Variants in ADAMTS6 observed in about 807,000 individuals in gnomAD.
The protein encoded by ADAMTS6 is A disintegrin and metalloproteinase with thrombospondin motifs 6.
Under a neutral mutation model 144.3 loss-of-function variants are expected in ADAMTS6, and 23 were observed. That is an observed-to-expected ratio of 0.16 (90% CI 0.11 to 0.23). ADAMTS6 has a LOEUF of 0.23. Ranked by LOEUF, ADAMTS6 falls within the 10% of genes least tolerant of loss-of-function variation. ADAMTS6 has a pLI of 1.00. For synonymous variants in ADAMTS6, 444 were observed against 457.5 expected (o/e 0.97, Z 0.38); for missense variants, 999 against 1,379.6 (o/e 0.72, Z 4.37).
chr5:65,469,024 A>G (rs117222375), intron 3 of ADAMTS6, among the ~76,000 whole-genome samples: 2 of 152,318 alleles, frequency 1.3e-5, no homozygotes, highest in East Asian at 3.9e-4. Context: ...ATTCATATAT[A>G]CTTTCATCCA....
chr5:65,481,806 G>C lies in ADAMTS6; in HGVS notation c.-743C>G, dbSNP rs1761224049. The C allele has an allele frequency of 1.3e-5, 2 of 152,354 alleles. No individual in the cohort carries two copies. Among genetic ancestry groups the C allele is most frequent in the African/African-American group, 4.8e-5 (2 of 41,450 alleles). 9.4% of individuals were successfully genotyped at this position (152,354 alleles called of 1,614,324 possible). A position where few individuals can be genotyped will look rare whatever the true frequency, so the allele number is the denominator to read the frequency against. On this transcript the variant is annotated 5_prime_UTR_variant, in exon 1 of 25. Transcript: ENST00000381055. The stretch of plus-strand genomic sequence containing the variant: ...AGGAGAAAAGAAGACAAGAGGAGCA[G>C]GAAGGGCAGCAAAGTTTTGTTGAAG...
At chr5:65,414,430 G>C (rs1755324075) in intron 7 of ADAMTS6, among the ~76,000 whole-genome samples, 1 of 151,836 alleles carries the variant, frequency 6.6e-6, no homozygotes, top group Non-Finnish European at 1.5e-5. Context: ...GGAACTCTAA[G>C]AAGGTCAAGG....
chr5:65,267,918 G>T (rs1488666761), intron 12 of ADAMTS6, among the ~76,000 whole-genome samples: 1 of 152,184 alleles, frequency 6.6e-6, no homozygotes, highest in African/African-American at 2.4e-5. Context: ...CACTGTGCAG[G>T]TGCAGGAATG....
At chr5:65,210,395 G>A (rs1392170643) in intron 20 of ADAMTS6, 1 of 168,166 alleles carries the variant, frequency 5.9e-6, no homozygotes, top group Non-Finnish European at 1.2e-5. Context: ...AGCTTGCAGT[G>A]AGTCGAGATC....
intron 9 of ADAMTS6, among the ~76,000 whole-genome samples, chr5:65,311,321 A>G (rs1310378198): frequency 6.6e-6 from 1 of 152,154 alleles, no homozygotes; most frequent in Non-Finnish European, 1.5e-5. Flanking sequence ...AAGTGGCATC[A>G]TCAGTCAGAG....
chr5:65,328,953 T>C (rs1185259702), intron 9 of ADAMTS6, among the ~76,000 whole-genome samples: 1 of 152,040 alleles, frequency 6.6e-6, no homozygotes, highest in Admixed American at 6.6e-5. Context: ...TACATAGCAA[T>C]GTCTGCACAA....
intron 3 of ADAMTS6, among the ~76,000 whole-genome samples, chr5:65,466,905 A>G (rs369464975): frequency 6.6e-4 from 100 of 152,004 alleles, no homozygotes; most frequent in Non-Finnish European, 1.1e-3. Flanking sequence ...AGCCGGGCGT[A>G]GTGGCGGGAG....
At chr5:65,219,778 T>C (rs1322292000) in intron 18 of ADAMTS6, among the ~76,000 whole-genome samples, 2 of 152,192 alleles carry the variant, frequency 1.3e-5, no homozygotes, top group African/African-American at 4.8e-5. Flanking sequence ...ATCAAGAAGA[T>C]GTAACAATCA....
intron 22 of ADAMTS6, among the ~76,000 whole-genome samples, chr5:65,180,573 C>T (rs1407030530): frequency 6.6e-6 from 1 of 152,112 alleles, no homozygotes; most frequent in Non-Finnish European, 1.5e-5. Flanking sequence ...CATCATTTCC[C>T]ATATGAAATT....
chr5:65,469,654 T>G (rs1760283081), intron 3 of ADAMTS6, among the ~76,000 whole-genome samples: 2 of 152,234 alleles, frequency 1.3e-5, no homozygotes, highest in South Asian at 4.1e-4. Flanking sequence ...TGGTTCATTT[T>G]ACTTAACAGT....
intron 7 of ADAMTS6, among the ~76,000 whole-genome samples, chr5:65,428,873 A>G (rs949645630): frequency 6.6e-6 from 1 of 152,212 alleles, no homozygotes; most frequent in Non-Finnish European, 1.5e-5. Context: ...GAAATGAGGA[A>G]ATGCCATTAG....
intron 16 of ADAMTS6, 147 bp downstream of exon 16, chr5:65,225,939 A>G: frequency 1.2e-6 from 1 of 836,140 alleles, no homozygotes; most frequent in Non-Finnish European, 1.7e-6. Context: ...TTACCTTTAC[A>G]TATTTTATTA....
intron 3 of ADAMTS6, among the ~76,000 whole-genome samples, chr5:65,466,694 C>T (rs1760032523): frequency 6.6e-6 from 1 of 152,136 alleles, no homozygotes; most frequent in Admixed American, 6.5e-5. Context: ...TTCTAACTAG[C>T]TATATGGTCT....
chr5:65,179,795 A>G lies in ADAMTS6; in HGVS notation c.2911-6787T>C, dbSNP rs192595394. Among the ~76,000 whole-genome samples the G allele has an allele frequency of 4.8e-3, 728 of 152,348 alleles. 1 individual carries two copies. Among genetic ancestry groups the G allele is most frequent in the Non-Finnish European group, 7.9e-3 (540 of 68,028 alleles). On this transcript the variant is annotated intron_variant, in intron 22 of 24. Coordinates refer to ENST00000381055, the MANE Select transcript of ADAMTS6 (RefSeq NM_197941.4). ...TTAAAAGTACCATATAAGTGGATGT[A>G]GAACACATAAATTATCGTGTCCCTA...
intron 18 of ADAMTS6, among the ~76,000 whole-genome samples, chr5:65,223,202 G>A (rs922806058): frequency 1.3e-5 from 2 of 151,738 alleles, no homozygotes; most frequent in African/African-American, 4.8e-5. Flanking sequence ...CAGCTTTGTT[G>A]AGGTATAACT....
At chr5:65,335,763 TAGTTAG>T (rs1747245794) in intron 7 of ADAMTS6, among the ~76,000 whole-genome samples, 2 of 152,020 alleles carry the variant, frequency 1.3e-5, no homozygotes, top group Non-Finnish European at 2.9e-5. Context: ...AATGTAAAAA[TAGTTAG>T]AGTTACATTA....
intron 24 of ADAMTS6, among the ~76,000 whole-genome samples, chr5:65,161,379 A>G (rs918304281): frequency 1.3e-5 from 2 of 152,122 alleles, no homozygotes; most frequent in African/African-American, 2.4e-5. Flanking sequence ...TCCATTCCAT[A>G]TCTCTATGGA....
chr5:65,283,215 T>C (rs1162774858), intron 11 of ADAMTS6, among the ~76,000 whole-genome samples: 1 of 152,118 alleles, frequency 6.6e-6, no homozygotes, highest in African/African-American at 2.4e-5. Flanking sequence ...AACCAACATA[T>C]GGTGACCTTA....
At chr5:65,394,875 A>G (rs1195139957) in intron 7 of ADAMTS6, among the ~76,000 whole-genome samples, 2 of 152,292 alleles carry the variant, frequency 1.3e-5, no homozygotes, top group African/African-American at 4.8e-5. Flanking sequence ...TATATATAGT[A>G]AGTTTAACAC....
Sources: allele counts gnomAD v4.1 joint callset (sites outside exome capture counted in the v4.1 genomes callset), GRCh38; gene constraint gnomAD v4.1.1; transcripts MANE v1.5; gene names NCBI Gene and HGNC (gene_info 2026-07-23, HGNC 2026-07-21).